Variants in HDAC9 observed in about 807,000 individuals in gnomAD.
The protein encoded by HDAC9 is histone deacetylase 9, also known as MEF-2 interacting transcription repressor (MITR) protein.
HDAC9 carries 41 observed loss-of-function variants against 139.4 expected under a neutral mutation model. That is an observed-to-expected ratio of 0.29 (90% CI 0.23 to 0.38). HDAC9 has a LOEUF of 0.38. Ranked by LOEUF, HDAC9 falls within the 10% of genes least tolerant of loss-of-function variation. The probability of loss-of-function intolerance (pLI) is 1.00; values close to 1 mark genes in which losing one functional copy is unlikely to be tolerated. For missense variants in HDAC9, 1,147 were observed against 1,297.0 expected (o/e 0.88, Z 1.78); for synonymous variants, 517 against 476.2 (o/e 1.09, Z -1.12).
intron 2 of HDAC9, among the ~76,000 whole-genome samples, chr7:18,182,039 G>A (rs979468400): frequency 6.6e-6 from 1 of 152,134 alleles, no homozygotes; most frequent in Non-Finnish European, 1.5e-5. Flanking sequence ...GTGGAGGAAA[G>A]GGAATCCACA....
chr7:18,434,685 A>G (rs761279127), intron 1 of HDAC9, among the ~76,000 whole-genome samples: 1 of 152,192 alleles, frequency 6.6e-6, no homozygotes, highest in Non-Finnish European at 1.5e-5. Context: ...TCAAAACTAC[A>G]AGAGATACCA....
Position 18,988,577 on chromosome 7 carries a change from G to A in HDAC9, c.3171-7446G>A, listed in dbSNP as rs140782593. Among the ~76,000 whole-genome samples the A allele has an allele frequency of 4.5e-3, 689 of 152,230 alleles. 7 individuals carry two copies. Among genetic ancestry groups the A allele is most frequent in the African/African-American group, 0.016 (667 of 41,498 alleles). ...GGAGAGTTCTGTAGATGTCTATCAG[G>A]TCCGCTTGGTGCAGAGCTGAGTTCA... On this transcript the variant is annotated intron_variant, in intron 25 of 25. Transcript: ENST00000686413.
chr7:18,967,505 CCA>C lies in HDAC9; in HGVS notation c.3023-8300_3023-8299del, dbSNP rs1491557760. The stretch of plus-strand genomic sequence containing the variant: ...TTTTGTAAATAAAGTTGCCCCCCCC[CCA>C]AAAAAAAAAAAGCAGGGTGTTATTG... On this transcript the variant is annotated intron_variant, in intron 24 of 25. Coordinates refer to ENST00000686413, the MANE Select transcript of HDAC9 (RefSeq NM_178425.4). 2.7e-4 allele frequency among the ~76,000 whole-genome samples: 37 copies of C among 137,052 alleles called. 1 individual carries two copies. The highest frequency in any genetic ancestry group is 8.6e-4 in the African/African-American group (31 of 36,216). 89.9% of individuals were successfully genotyped at this position (137,052 alleles called of 152,430 possible).
At chr7:18,499,831 T>G (rs1797915220) in intron 2 of HDAC9, among the ~76,000 whole-genome samples, 1 of 152,180 alleles carries the variant, frequency 6.6e-6, no homozygotes, top group African/African-American at 2.4e-5. Flanking sequence ...ATCTTCACCC[T>G]TTTTTGAATC....
intron 2 of HDAC9, among the ~76,000 whole-genome samples, chr7:18,280,767 AAAAT>A (rs1399565441): frequency 6.6e-6 from 1 of 151,374 alleles, no homozygotes; most frequent in Non-Finnish European, 1.5e-5. Context: ...TGTCTCAAAA[AAAAT>A]AAATAAATAA....
intron 1 of HDAC9, among the ~76,000 whole-genome samples, chr7:18,433,371 T>C (rs1485070336): frequency 5.3e-5 from 8 of 152,088 alleles, no homozygotes; most frequent in Admixed American, 6.5e-5. Flanking sequence ...CTATTTGACA[T>C]ACTACTGGAA....
chr7:18,099,547 A>G (rs1204304221), intron 1 of HDAC9, among the ~76,000 whole-genome samples: 1 of 152,210 alleles, frequency 6.6e-6, no homozygotes, highest in Non-Finnish European at 1.5e-5. Flanking sequence ...ACTAACCAGA[A>G]CACCCTTTTG....
intron 13 of HDAC9, among the ~76,000 whole-genome samples, chr7:18,748,001 G>T (rs1788131335): frequency 1.3e-5 from 2 of 152,070 alleles, no homozygotes; most frequent in African/African-American, 2.4e-5. Context: ...CTTATAATGG[G>T]TGTTCTCCCC....
At chr7:18,215,139 C>G (rs544513968) in intron 2 of HDAC9, among the ~76,000 whole-genome samples, 2 of 152,076 alleles carry the variant, frequency 1.3e-5, no homozygotes, top group African/African-American at 4.8e-5. Context: ...CTACCCTATT[C>G]TATTAGACAA....
chr7:18,238,187 A>G (rs1793951161), intron 2 of HDAC9, among the ~76,000 whole-genome samples: 2 of 152,234 alleles, frequency 1.3e-5, no homozygotes, highest in Non-Finnish European at 2.9e-5. Flanking sequence ...GAGTTTGAGC[A>G]TACCAATAGT....
intron 1 of HDAC9, among the ~76,000 whole-genome samples, chr7:18,484,294 C>T (rs2128130095): frequency 6.6e-6 from 1 of 150,536 alleles, no homozygotes; most frequent in South Asian, 2.1e-4. Context: ...TATGATTACA[C>T]TACTGCACTA....
chr7:18,447,688 T>C (rs566647096), intron 1 of HDAC9, among the ~76,000 whole-genome samples: 79 of 152,346 alleles, frequency 5.2e-4, no homozygotes, highest in Admixed American at 1.2e-3. Context: ...CTGAATATTG[T>C]AGCAAGAACT....
rs73307034 is a variant in HDAC9, at chr7:18,957,037, C to T, written c.3022+2807C>T. The stretch of plus-strand genomic sequence containing the variant: ...TCAAGGTGATGGTGAGGTGAAAAAA[C>T]GTTTACCAAGAAGGAATGATAGTAG... On this transcript the variant is annotated intron_variant, in intron 24 of 25. Coordinates refer to ENST00000686413, the MANE Select transcript of HDAC9 (RefSeq NM_178425.4). 5.4e-3 allele frequency among the ~76,000 whole-genome samples: 827 copies of T among 152,190 alleles called. 8 individuals are homozygous for T. Among genetic ancestry groups the T allele is most frequent in the African/African-American group, 0.019 (785 of 41,550 alleles).
chr7:18,258,687 GA>G (rs1795442341), intron 2 of HDAC9, among the ~76,000 whole-genome samples: 1 of 152,114 alleles, frequency 6.6e-6, no homozygotes, highest in Admixed American at 6.6e-5. Context: ...GTTAAGAATT[GA>G]ACTCAAGGTC....
At chr7:18,670,804 G>T (rs911800177) in intron 12 of HDAC9, among the ~76,000 whole-genome samples, 1 of 150,650 alleles carries the variant, frequency 6.6e-6, no homozygotes, top group African/African-American at 2.4e-5. Context: ...TTACCAAACT[G>T]TCTTGATCAA....
intron 8 of HDAC9, among the ~76,000 whole-genome samples, chr7:18,635,650 A>C (rs1783654848): frequency 6.6e-6 from 1 of 152,098 alleles, no homozygotes; most frequent in African/African-American, 2.4e-5. Context: ...TGCCTTCTTC[A>C]CTGTGCATTG....
intron 16 of HDAC9, among the ~76,000 whole-genome samples, chr7:18,788,603 A>G (rs1792022005): frequency 6.6e-6 from 1 of 151,968 alleles, no homozygotes; most frequent in Non-Finnish European, 1.5e-5. Context: ...AAAAATACAA[A>G]AATTAACTCA....
At chr7:18,660,850 A>G (rs901062248) in intron 11 of HDAC9, among the ~76,000 whole-genome samples, 2 of 152,132 alleles carry the variant, frequency 1.3e-5, no homozygotes, top group African/African-American at 2.4e-5. Flanking sequence ...CAAGATCCCA[A>G]CTAAGGTCGG....
chr7:18,958,248 G>A (rs1783295620), intron 24 of HDAC9, among the ~76,000 whole-genome samples: 1 of 152,162 alleles, frequency 6.6e-6, no homozygotes, highest in African/African-American at 2.4e-5. Flanking sequence ...TAACATGATA[G>A]ATGGCATGCA....
Sources: gnomAD v4.1 joint callset for allele counts (sites outside exome capture counted in the v4.1 genomes callset) on GRCh38, gnomAD v4.1.1 for gene constraint, MANE v1.5 for transcripts, NCBI Gene and HGNC (gene_info 2026-07-23, HGNC 2026-07-21) for gene names.